SCHIP1: variants seen among roughly 807,000 people sequenced by gnomAD.
SCHIP1 encodes the protein schwannomin interacting protein 1.
In SCHIP1, 8 loss-of-function variants were observed where a neutral mutation model predicts 29.7. That is an observed-to-expected ratio of 0.27 (90% confidence interval 0.16 to 0.49). The LOEUF (loss-of-function observed/expected upper bound fraction) is 0.49, where lower values mean the gene tolerates loss of function less well. Among genes scored for constraint, SCHIP1 ranks in the 20% least tolerant of loss-of-function variants. The pLI is 0.99. For missense variants in SCHIP1, 193 were observed against 294.6 expected (o/e 0.66, Z 2.52); for synonymous variants, 76 against 94.9 (o/e 0.80, Z 1.16).
chr3:159,799,245 G>C, the SCHIP1 span, among the ~76,000 whole-genome samples: 1,036 of 152,306 alleles, frequency 6.8e-3, 13 homozygotes, highest in Middle Eastern at 0.02. Flanking sequence ...TGCTGTCTTG[G>C]CTTCTCTGTT....
chr3:159,611,138 G>A, the SCHIP1 span, among the ~76,000 whole-genome samples: 1 of 152,126 alleles, frequency 6.6e-6, no homozygotes, highest in African/African-American at 2.4e-5. Flanking sequence ...TAATTCAGAA[G>A]CAAAATGCTT....
the SCHIP1 span, among the ~76,000 whole-genome samples, chr3:159,574,739 G>A: frequency 6.6e-6 from 1 of 152,194 alleles, no homozygotes; most frequent in Non-Finnish European, 1.5e-5. Context: ...AGAAGCAATA[G>A]GCCTTATTGA....
At chr3:159,813,241 T>A in the SCHIP1 span, among the ~76,000 whole-genome samples, 9 of 152,352 alleles carry the variant, frequency 5.9e-5, no homozygotes, top group African/African-American at 2.2e-4. Flanking sequence ...TACAAAGCAT[T>A]TTCAATTCAC....
At chr3:159,775,788 G>A in the SCHIP1 span, among the ~76,000 whole-genome samples, 2 of 152,170 alleles carry the variant, frequency 1.3e-5, no homozygotes, top group Admixed American at 1.3e-4. Flanking sequence ...ACTGGATTCT[G>A]CTTCCTTCTT....
exon 7 of SCHIP1, chr3:159,896,729 T>G (rs1387753119): frequency 6.2e-7 from 1 of 1,605,870 alleles, no homozygotes. Context: ...ACAGACATGC[T>G]GAAAGTCAGC....
At chr3:159,481,564 C>T in the SCHIP1 span, among the ~76,000 whole-genome samples, 1 of 152,100 alleles carries the variant, frequency 6.6e-6, no homozygotes, top group Non-Finnish European at 1.5e-5. Context: ...AGGTATTCTG[C>T]ATTTTTATTT....
chr3:159,761,939 T>C, the SCHIP1 span, among the ~76,000 whole-genome samples: 1 of 152,170 alleles, frequency 6.6e-6, no homozygotes, highest in African/African-American at 2.4e-5. Context: ...ACCACAACTC[T>C]CTCTCATCAC....
the SCHIP1 span, among the ~76,000 whole-genome samples, chr3:159,457,117 G>T: frequency 6.6e-6 from 1 of 151,928 alleles, no homozygotes; most frequent in Non-Finnish European, 1.5e-5. Context: ...TCATTTATAC[G>T]TGGTATTTTA....
At chr3:159,369,935 A>G in the SCHIP1 span, among the ~76,000 whole-genome samples, 1 of 152,170 alleles carries the variant, frequency 6.6e-6, no homozygotes, top group African/African-American at 2.4e-5. Flanking sequence ...ATTTCTGAGA[A>G]CTGTTTCTGA....
the SCHIP1 span, among the ~76,000 whole-genome samples, chr3:159,395,603 G>T: frequency 6.6e-6 from 1 of 152,106 alleles, no homozygotes; most frequent in African/African-American, 2.4e-5. Flanking sequence ...GGAGCTGGTT[G>T]TTCAGTTTCC....
the SCHIP1 span, among the ~76,000 whole-genome samples, chr3:159,369,703 G>A: frequency 6.6e-6 from 1 of 152,172 alleles, no homozygotes; most frequent in East Asian, 1.9e-4. Context: ...GCAGCCAAAT[G>A]TAAGGGGAAC....
the SCHIP1 span, among the ~76,000 whole-genome samples, chr3:159,816,130 G>T: frequency 6.6e-6 from 1 of 151,882 alleles, no homozygotes; most frequent in African/African-American, 2.4e-5. Context: ...TGTACTTTTA[G>T]TAGAGACAGG....
the SCHIP1 span, among the ~76,000 whole-genome samples, chr3:159,555,975 G>A: frequency 6.6e-6 from 1 of 152,076 alleles, no homozygotes; most frequent in African/African-American, 2.4e-5. Context: ...TAGATGACAG[G>A]TTGATGGGTG....
chr3:159,844,753 T>A (rs1403156665), intron 1 of SCHIP1, among the ~76,000 whole-genome samples: 1 of 152,166 alleles, frequency 6.6e-6, no homozygotes, highest in East Asian at 1.9e-4. Flanking sequence ...TTTCCTGGAG[T>A]GGGGTTTTGG....
At chr3:159,865,363 G>A (rs1560088580) in intron 1 of SCHIP1, among the ~76,000 whole-genome samples, 1 of 152,138 alleles carries the variant, frequency 6.6e-6, no homozygotes, top group Admixed American at 6.5e-5. Context: ...GTTCAGCATG[G>A]TGAGTTTTTA....
the SCHIP1 span, among the ~76,000 whole-genome samples, chr3:159,462,240 A>G: frequency 6.6e-6 from 1 of 152,042 alleles, no homozygotes; most frequent in African/African-American, 2.4e-5. Flanking sequence ...TAATAAAAAT[A>G]AAACCATCTG....
chr3:159,629,700 A>G, the SCHIP1 span, among the ~76,000 whole-genome samples: 1 of 152,172 alleles, frequency 6.6e-6, no homozygotes, highest in Admixed American at 6.6e-5. Flanking sequence ...AACAAAATAG[A>G]CCATGTGAAA....
At chr3:159,514,776 A>G in the SCHIP1 span, among the ~76,000 whole-genome samples, 6 of 152,226 alleles carry the variant, frequency 3.9e-5, no homozygotes, top group East Asian at 1.2e-3. Flanking sequence ...CCTGAACTGC[A>G]GACTTGGTAT....
the SCHIP1 span, among the ~76,000 whole-genome samples, chr3:159,775,303 G>A: frequency 1.3e-5 from 2 of 152,182 alleles, no homozygotes; most frequent in African/African-American, 4.8e-5. Flanking sequence ...AGGTGCAGAG[G>A]CAGGTGATTC....
Sources: gnomAD v4.1 joint callset for allele counts (sites outside exome capture counted in the v4.1 genomes callset) on GRCh38, gnomAD v4.1.1 for gene constraint, MANE v1.5 for transcripts, NCBI Gene and HGNC (gene_info 2026-07-23, HGNC 2026-07-21) for gene names.